The following DPP6 variants were observed in gnomAD, a reference collection of about 807,000 sequenced individuals.
DPP6 encodes dipeptidyl peptidase like 6.
In DPP6, 69 loss-of-function variants were observed where a neutral mutation model predicts 122.6. The ratio of observed to expected loss-of-function variants is 0.56; its 90% CI spans 0.46 to 0.69. The LOEUF (loss-of-function observed/expected upper bound fraction) is 0.69, where lower values mean the gene tolerates loss of function less well. DPP6 is among the 30% of genes least tolerant of loss of function. The pLI, the probability that DPP6 is intolerant of heterozygous loss-of-function variation, is 0.00. For missense variants in DPP6, 928 were observed against 1,116.9 expected, an observed-to-expected ratio of 0.83 and a Z score of 2.41; for synonymous variants, 418 against 433.1, an observed-to-expected ratio of 0.97 and a Z score of 0.43.
chr7:153,878,360 T>A, the DPP6 span, among the ~76,000 whole-genome samples: 1 of 151,388 alleles, frequency 6.6e-6, no homozygotes, highest in African/African-American at 2.4e-5. Context: ...TCATTATTTA[T>A]GTTAGTGCCT....
chr7:154,663,278 C>A (rs1282458125), intron 6 of DPP6, among the ~76,000 whole-genome samples: 2 of 55,516 alleles, frequency 3.6e-5, no homozygotes, highest in African/African-American at 7.6e-5. Context: ...TTCATATAGT[C>A]ATGGTGAATC....
intron 1 of DPP6, among the ~76,000 whole-genome samples, chr7:154,161,217 C>T (rs528434055): frequency 1.3e-5 from 2 of 152,256 alleles, no homozygotes; most frequent in African/African-American, 4.8e-5. Flanking sequence ...ATGATTGCTG[C>T]TGATAAGAAC....
At chr7:154,179,836 A>T (rs1245154597) in intron 1 of DPP6, among the ~76,000 whole-genome samples, 2 of 152,222 alleles carry the variant, frequency 1.3e-5, no homozygotes, top group Non-Finnish European at 2.9e-5. Flanking sequence ...CATTGTAGTA[A>T]GCCCAACATT....
chr7:153,791,274 C>G, the DPP6 span, among the ~76,000 whole-genome samples: 2 of 150,588 alleles, frequency 1.3e-5, no homozygotes, highest in Non-Finnish European at 3.0e-5. Flanking sequence ...GTCACTGACA[C>G]TTTGTTTTAT....
chr7:154,753,223 C>T (rs765487760), intron 8 of DPP6, among the ~76,000 whole-genome samples: 5 of 152,154 alleles, frequency 3.3e-5, no homozygotes, highest in Non-Finnish European at 5.9e-5. Context: ...AGGGAATAAA[C>T]GGGTGGTGCA....
intron 7 of DPP6, among the ~76,000 whole-genome samples, chr7:154,705,299 T>C (rs1380499482): frequency 6.6e-6 from 1 of 152,238 alleles, no homozygotes; most frequent in East Asian, 1.9e-4. Flanking sequence ...ATCCAGGGAC[T>C]CAGACAGCAT....
intron 1 of DPP6, among the ~76,000 whole-genome samples, chr7:154,208,396 G>C (rs1799566114): frequency 6.6e-6 from 1 of 152,194 alleles, no homozygotes; most frequent in South Asian, 2.1e-4. Context: ...GTTATTTGAA[G>C]ACCCCTTCAC....
the DPP6 span, among the ~76,000 whole-genome samples, chr7:153,783,308 T>C: frequency 6.6e-6 from 1 of 152,170 alleles, no homozygotes; most frequent in East Asian, 1.9e-4. Flanking sequence ...GGAAGACACC[T>C]CTTCCCTGGG....
chr7:154,525,749 G>C (rs1176242444), intron 3 of DPP6, among the ~76,000 whole-genome samples: 1 of 125,600 alleles, frequency 8.0e-6, no homozygotes, highest in African/African-American at 3.0e-5. Flanking sequence ...TTGTTGTTTT[G>C]TTGTGTTTTT....
chr7:154,200,188 C>G (rs1799096843), intron 1 of DPP6, among the ~76,000 whole-genome samples: 1 of 152,008 alleles, frequency 6.6e-6, no homozygotes, highest in Admixed American at 6.5e-5. Context: ...TCTTTCCTGG[C>G]TCCTTTTTTT....
chr7:154,113,412 TACACACAC>T (rs60229672), intron 1 of DPP6, among the ~76,000 whole-genome samples: 1 of 141,796 alleles, frequency 7.1e-6, no homozygotes, highest in African/African-American at 2.6e-5. Flanking sequence ...TATATATATA[TACACACAC>T]ACACACACAC....
chr7:154,725,140 AT>A (rs1842004318), intron 7 of DPP6, among the ~76,000 whole-genome samples: 2 of 152,104 alleles, frequency 1.3e-5, no homozygotes, highest in Non-Finnish European at 1.5e-5. Context: ...TACCACTGTG[AT>A]CCCCCATGAC....
intron 1 of DPP6, among the ~76,000 whole-genome samples, chr7:154,071,410 C>T (rs1396510404): frequency 1.3e-5 from 2 of 152,260 alleles, no homozygotes; most frequent in African/African-American, 4.8e-5. Context: ...GGTGAGAATT[C>T]ACGTGTTTCT....
intron 1 of DPP6, among the ~76,000 whole-genome samples, chr7:154,199,994 C>T (rs1052450783): frequency 1.3e-5 from 2 of 152,202 alleles, no homozygotes; most frequent in Non-Finnish European, 2.9e-5. Flanking sequence ...GACTCACAGG[C>T]TGCTGGGCTT....
intron 1 of DPP6, among the ~76,000 whole-genome samples, chr7:154,259,714 A>G (rs1244045151): frequency 6.6e-6 from 1 of 152,140 alleles, no homozygotes; most frequent in Non-Finnish European, 1.5e-5. Context: ...GGGAATGAAT[A>G]TTTTACAGAA....
At chr7:153,856,254 A>T in the DPP6 span, among the ~76,000 whole-genome samples, 4 of 152,318 alleles carry the variant, frequency 2.6e-5, no homozygotes, top group African/African-American at 4.8e-5. Context: ...ACGGTTGAGG[A>T]TGGGAACAGG....
intron 4 of DPP6, among the ~76,000 whole-genome samples, chr7:154,554,023 C>T (rs1316705853): frequency 6.6e-6 from 1 of 151,520 alleles, no homozygotes; most frequent in Non-Finnish European, 1.5e-5. Context: ...GCTATTTAAT[C>T]ATCTTTCCAC....
At chr7:154,501,232 G>T (rs11772229) in intron 3 of DPP6, among the ~76,000 whole-genome samples, 11,296 of 148,988 alleles carry the variant, frequency 0.076, 493 homozygotes, top group Admixed American at 0.15. Context: ...TGGACAATTT[G>T]CAGTCTGACA....
chr7:153,864,841 A>C, the DPP6 span, among the ~76,000 whole-genome samples: 2 of 152,136 alleles, frequency 1.3e-5, no homozygotes, highest in Non-Finnish European at 2.9e-5. Context: ...TTGATTACTG[A>C]GATGGATGGC....
Sources: allele counts gnomAD v4.1 joint callset (sites outside exome capture counted in the v4.1 genomes callset), GRCh38; gene constraint gnomAD v4.1.1; transcripts MANE v1.5; gene names NCBI Gene and HGNC (gene_info 2026-07-23, HGNC 2026-07-21).